Variants in B3GALT1 observed in about 807,000 individuals in gnomAD.
B3GALT1 encodes the protein UDP-Gal:betaGlcNAc beta 1,3-galactosyltransferase, polypeptide 1.
B3GALT1 carries 10 observed loss-of-function variants against 23.2 expected under a neutral mutation model. The observed-to-expected ratio is 0.43, with a 90% CI of 0.27 to 0.73. The LOEUF (loss-of-function observed/expected upper bound fraction) is 0.73, where lower values mean the gene tolerates loss of function less well. B3GALT1 is among the 30% of genes least tolerant of loss of function. The pLI is 0.21. For missense variants in B3GALT1, 299 were observed against 405.4 expected, an observed-to-expected ratio of 0.74 and a Z score of 2.25; for synonymous variants, 156 against 141.5, an observed-to-expected ratio of 1.10 and a Z score of -0.73.
intron 4 of B3GALT1, among the ~76,000 whole-genome samples, chr2:167,840,967 T>C (rs1375085178): frequency 7.1e-6 from 1 of 141,294 alleles, no homozygotes; most frequent in African/African-American, 2.7e-5. Context: ...TAGGTGGGAA[T>C]TGAACAATGA....
chr2:167,319,134 A>G (rs114267532), intron 1 of B3GALT1, among the ~76,000 whole-genome samples: 1 of 152,130 alleles, frequency 6.6e-6, no homozygotes, highest in Non-Finnish European at 1.5e-5. Context: ...GGTAATGGCC[A>G]GGGCACACTG....
intron 1 of B3GALT1, among the ~76,000 whole-genome samples, chr2:167,452,463 C>T (rs1699105845): frequency 6.6e-6 from 1 of 152,142 alleles, no homozygotes; most frequent in Non-Finnish European, 1.5e-5. Flanking sequence ...TGATCTGAAC[C>T]TTCAGGTTCC....
chr2:167,332,135 T>C (rs1218294121), intron 1 of B3GALT1, among the ~76,000 whole-genome samples: 1 of 152,050 alleles, frequency 6.6e-6, no homozygotes, highest in Non-Finnish European at 1.5e-5. Context: ...CCTATGTTAA[T>C]CTCAGAGTAC....
chr2:167,698,591 T>C (rs1686822890), intron 3 of B3GALT1, among the ~76,000 whole-genome samples: 1 of 152,184 alleles, frequency 6.6e-6, no homozygotes, highest in South Asian at 2.1e-4. Flanking sequence ...CATATTGTCA[T>C]TTCTGATTAA....
intron 3 of B3GALT1, among the ~76,000 whole-genome samples, chr2:167,718,373 A>G (rs1210264601): frequency 6.6e-6 from 1 of 152,216 alleles, no homozygotes; most frequent in Non-Finnish European, 1.5e-5. Flanking sequence ...AAGACATGAT[A>G]TAAATATGTT....
rs956416858 is a variant in B3GALT1 at position 167,541,573 on chromosome 2, A to G, written c.-410+51296A>G. Among the ~76,000 whole-genome samples, 27 of 152,284 alleles carry G rather than the reference A, an allele frequency of 1.8e-4. No individual in the cohort carries two copies. In the East Asian group the frequency reaches 4.1e-3, roughly 23 times the overall value. On this transcript the variant is annotated intron_variant, in intron 2 of 4. Transcript: ENST00000392690. ...AGTTGTGATTTTAGGAAAAGTCTAA[A>G]ATATTTAGAAATTGCCTCAATTCTC...
chr2:167,447,024 G>A (rs1699008518), intron 1 of B3GALT1, among the ~76,000 whole-genome samples: 1 of 152,180 alleles, frequency 6.6e-6, no homozygotes, highest in South Asian at 2.1e-4. Context: ...TGATGGTGAG[G>A]TACAGATGGG....
In B3GALT1 at chr2:167,545,023, C is replaced by CTTTTTTTTTTTTTTT. The variant is rs869066627; in HGVS notation, c.-410+54763_-410+54777dup. On this transcript the variant is annotated intron_variant, in intron 2 of 4. Coordinates refer to ENST00000392690, the MANE Select transcript of B3GALT1 (RefSeq NM_020981.4). ...GGAAGGCCGCTTTTGGCTTGGGTGT[C>CTTTTTTTTTTTTTTT]TTTTTTTTTTTTTTTTTTTTTTTTT... Among the ~76,000 whole-genome samples the CTTTTTTTTTTTTTTT allele has an allele frequency of 5.5e-5, 3 of 54,286 alleles. 1 individual carries two copies. Among genetic ancestry groups the CTTTTTTTTTTTTTTT allele is most frequent in the Non-Finnish European group, 6.3e-5 (2 of 31,570 alleles). The allele number at this position is 54,286 out of a possible 152,430, so 35.6% of individuals were successfully genotyped here.
At chr2:167,619,647 C>T (rs1317080282) in intron 2 of B3GALT1, among the ~76,000 whole-genome samples, 1 of 152,106 alleles carries the variant, frequency 6.6e-6, no homozygotes, top group Non-Finnish European at 1.5e-5. Context: ...ACTAGCATCT[C>T]TCAGATCTTT....
chr2:167,793,170 C>G (rs560944719), intron 3 of B3GALT1, among the ~76,000 whole-genome samples: 8 of 152,184 alleles, frequency 5.3e-5, no homozygotes, highest in Non-Finnish European at 1.0e-4. Context: ...TTTTCACTCT[C>G]CATGCTGCTC....
chr2:167,422,991 T>C (rs1305855051), intron 1 of B3GALT1, among the ~76,000 whole-genome samples: 1 of 152,102 alleles, frequency 6.6e-6, no homozygotes, highest in African/African-American at 2.4e-5. Context: ...GCCATAGAAT[T>C]GCAGCTGGGA....
Position 167,509,277 on chromosome 2 carries a change from A to G in B3GALT1, c.-410+19000A>G, listed in dbSNP as rs541421791. Among the ~76,000 whole-genome samples, 178 of 152,356 alleles carry G rather than the reference A, an allele frequency of 1.2e-3. 3 individuals are homozygous for G. The highest frequency in any genetic ancestry group is 3.4e-3 in the Middle Eastern group (1 of 294). ...TATAACAAAATTGACCCTCATGCATAGTAAATATCAAATGAAATGACACAT... is the reference window on the plus strand; with the variant it reads ...TATAACAAAATTGACCCTCATGCATGGTAAATATCAAATGAAATGACACAT... On this transcript the variant is annotated intron_variant, in intron 2 of 4. Transcript: ENST00000392690.
At chr2:167,294,143 G>T (rs767046426) in intron 1 of B3GALT1, among the ~76,000 whole-genome samples, 1 of 152,132 alleles carries the variant, frequency 6.6e-6, no homozygotes, top group African/African-American at 2.4e-5. Flanking sequence ...GGGCTCCGAC[G>T]CCCGACGGCC....
intron 1 of B3GALT1, among the ~76,000 whole-genome samples, chr2:167,335,249 T>C (rs1233457843): frequency 6.6e-6 from 1 of 152,118 alleles, no homozygotes; most frequent in Non-Finnish European, 1.5e-5. Context: ...TACAGCTGAA[T>C]TTATTCTAAA....
intron 2 of B3GALT1, among the ~76,000 whole-genome samples, chr2:167,638,575 A>C (rs1312193126): frequency 6.6e-6 from 1 of 152,036 alleles, no homozygotes; most frequent in Admixed American, 6.6e-5. Context: ...TGGTTGTTAG[A>C]GCTCAGAATA....
intron 3 of B3GALT1, among the ~76,000 whole-genome samples, chr2:167,769,080 G>A (rs1222060800): frequency 2.0e-5 from 3 of 152,028 alleles, no homozygotes; most frequent in East Asian, 3.9e-4. Context: ...GCAGAAGAAG[G>A]AAAAAAATGT....
At chr2:167,450,744 A>G (rs11897598) in intron 1 of B3GALT1, among the ~76,000 whole-genome samples, 2,035 of 152,234 alleles carry the variant, frequency 0.013, 45 homozygotes, top group African/African-American at 0.046. Context: ...CTAGTTCTCT[A>G]CCAAGGCCAG....
chr2:167,527,237 A>G (rs1180427498), intron 2 of B3GALT1, among the ~76,000 whole-genome samples: 1 of 152,088 alleles, frequency 6.6e-6, no homozygotes, highest in Middle Eastern at 3.2e-3. Context: ...CAGGCAACCA[A>G]CCATATCAAT....
intron 3 of B3GALT1, among the ~76,000 whole-genome samples, chr2:167,765,851 A>C (rs1345658434): frequency 6.6e-6 from 1 of 152,252 alleles, no homozygotes; most frequent in Non-Finnish European, 1.5e-5. Context: ...CACCATAATA[A>C]GCTTGCACTC....
Sources: gnomAD v4.1 joint callset for allele counts (sites outside exome capture counted in the v4.1 genomes callset) on GRCh38, gnomAD v4.1.1 for gene constraint, MANE v1.5 for transcripts, NCBI Gene and HGNC (gene_info 2026-07-23, HGNC 2026-07-21) for gene names.